KANK1: variants seen among roughly 807,000 people sequenced by gnomAD.
KANK1 encodes the protein KN motif and ankyrin repeat domains 1.
A neutral mutation model predicts 106.2 loss-of-function variants in KANK1; 109 were observed. That is an observed-to-expected ratio of 1.03 (90% CI 0.88 to 1.20). KANK1 has a LOEUF of 1.20. Ranked by LOEUF, KANK1 falls within the 50% of genes most tolerant of loss-of-function variation. KANK1 has a pLI of 0.00. For synonymous variants in KANK1, 873 were observed against 652.2 expected (o/e 1.34, Z -5.16); for missense variants, 2,399 against 1,710.7 (o/e 1.40, Z -7.10).
rs1824638841 is a variant in KANK1 at position 707,380 on chromosome 9, T to C, written c.38-3424T>C. The C allele has an allele frequency of 9.6e-6, 3 of 311,986 alleles. No individual in the cohort carries two copies. The South Asian group carries it at 3.7e-4, about 39-fold the overall frequency. 19.3% of individuals were successfully genotyped at this position (311,986 alleles called of 1,614,324 possible). ...CACCGCAGGCCTACGGGAGTCCAGC[T>C]TAGACCCGCCGGCTCCCACACACAC... On this transcript the variant is annotated intron_variant, in intron 2 of 11. Transcript: ENST00000382297.
At chr9:578,652 G>A (rs1186134939) in intron 1 of KANK1, among the ~76,000 whole-genome samples, 1 of 152,104 alleles carries the variant, frequency 6.6e-6, no homozygotes, top group East Asian at 1.9e-4. Flanking sequence ...ATCAGTGCAA[G>A]TTTTAGGAAA....
chr9:500,343 A>C (rs1250275029), upstream of KANK1, among the ~76,000 whole-genome samples: 1 of 152,222 alleles, frequency 6.6e-6, no homozygotes, highest in Non-Finnish European at 1.5e-5. Flanking sequence ...GATAATAGGA[A>C]TTTCAAAAAA....
At chr9:509,904 C>G (rs2058951806) in intron 1 of KANK1, among the ~76,000 whole-genome samples, 1 of 152,110 alleles carries the variant, frequency 6.6e-6, no homozygotes. Context: ...CCAAGCAATC[C>G]TCCCGCCTCA....
rs1181030891 is a variant in KANK1, at chr9:504,765, C to T, written c.-84+11C>T. The T allele has an allele frequency of 2.2e-5, 1 of 45,276 alleles. No individual in the cohort carries two copies. The highest frequency in any genetic ancestry group is 2.5e-4 in the Admixed American group (1 of 3,994). The allele number at this position is 45,276 out of a possible 1,614,324, so 2.8% of individuals were successfully genotyped here. A position where few individuals can be genotyped will look rare whatever the true frequency, so the allele number is the denominator to read the frequency against. ...GAGGAGCGGCCGAAGGTGAGTGACG[C>T]GGCGGGGCCGTGCCGCGCCCCGTGC... On this transcript the variant is annotated intron_variant, in intron 1 of 11. Coordinates refer to ENST00000382297, the MANE Select transcript of KANK1 (RefSeq NM_015158.5).
intron 2 of KANK1, among the ~76,000 whole-genome samples, chr9:682,786 G>A (rs1341154979): frequency 2.6e-5 from 4 of 152,092 alleles, no homozygotes; most frequent in African/African-American, 9.7e-5. Flanking sequence ...TCAGTTATTT[G>A]GCTCCAGCTT....
At chr9:507,177 A>ACTC (rs1349838093) in intron 1 of KANK1, among the ~76,000 whole-genome samples, 27 of 146,854 alleles carry the variant, frequency 1.8e-4, no homozygotes, top group Non-Finnish European at 4.0e-4. Flanking sequence ...ACATAGCGAG[A>ACTC]CTCCGTCTCT....
chr9:496,643 A>G (rs1165963555), intron 3 of KANK1, among the ~76,000 whole-genome samples: 2 of 152,242 alleles, frequency 1.3e-5, no homozygotes, highest in Admixed American at 1.3e-4. Flanking sequence ...ACAACATTTT[A>G]TATGTCTCTC....
At chr9:483,393 T>C (rs1363834102) in intron 3 of KANK1, among the ~76,000 whole-genome samples, 3 of 152,314 alleles carry the variant, frequency 2.0e-5, no homozygotes, top group Admixed American at 6.5e-5. Flanking sequence ...GAATCAAACA[T>C]TGGAATGCTA....
chr9:707,350 C>T (rs1824624092), intron 2 of KANK1: 2 of 504,398 alleles, frequency 4.0e-6, no homozygotes, highest in Non-Finnish European at 5.1e-6. Flanking sequence ...TGGGCCGCTT[C>T]ACTCCACCGC....
chr9:478,711 T>G (rs2058150201), intron 3 of KANK1, among the ~76,000 whole-genome samples: 1 of 152,176 alleles, frequency 6.6e-6, no homozygotes, highest in Non-Finnish European at 1.5e-5. Context: ...ACCAAACTCT[T>G]TACACCAAAA....
At chr9:520,342 A>C (rs2059489284) in intron 1 of KANK1, among the ~76,000 whole-genome samples, 1 of 151,646 alleles carries the variant, frequency 6.6e-6, no homozygotes, top group South Asian at 2.1e-4. Context: ...CTGTCTCAAA[A>C]AAATAAATAA....
chr9:667,923 G>T (rs1188583306), intron 1 of KANK1, among the ~76,000 whole-genome samples: 1 of 151,764 alleles, frequency 6.6e-6, no homozygotes, highest in Non-Finnish European at 1.5e-5. Context: ...ATGAGACAGG[G>T]TTTTGCCATG....
intron 1 of KANK1, among the ~76,000 whole-genome samples, chr9:625,211 C>G (rs187446001): frequency 2.0e-5 from 3 of 152,114 alleles, no homozygotes; most frequent in African/African-American, 7.2e-5. Flanking sequence ...GCTACTGTCA[C>G]GGGAAAGATT....
upstream of KANK1, among the ~76,000 whole-genome samples, chr9:502,664 A>G (rs1376666911): frequency 6.6e-6 from 1 of 151,972 alleles, no homozygotes; most frequent in Non-Finnish European, 1.5e-5. Flanking sequence ...CTGGGATTAC[A>G]GGTGCACGTC....
At chr9:658,358 C>G (rs1276867690) in intron 1 of KANK1, among the ~76,000 whole-genome samples, 2 of 152,114 alleles carry the variant, frequency 1.3e-5, no homozygotes, top group East Asian at 1.9e-4. Flanking sequence ...ATCTCATAAC[C>G]TAGCCTCTGC....
At chr9:543,303 C>G (rs935776656) in intron 1 of KANK1, among the ~76,000 whole-genome samples, 2 of 151,952 alleles carry the variant, frequency 1.3e-5, no homozygotes, top group African/African-American at 4.8e-5. Flanking sequence ...TGCTTGTAAT[C>G]TCAGCACTTT....
intron 1 of KANK1, among the ~76,000 whole-genome samples, chr9:555,676 T>G (rs542136029): frequency 3.3e-5 from 5 of 152,248 alleles, no homozygotes; most frequent in Non-Finnish European, 5.9e-5. Flanking sequence ...GTTGGTTTAC[T>G]AAGCCTTAAG....
intron 1 of KANK1, among the ~76,000 whole-genome samples, chr9:528,447 A>G (rs1310266985): frequency 8.0e-6 from 1 of 124,652 alleles, no homozygotes; most frequent in African/African-American, 2.9e-5. Context: ...CCTTACAACC[A>G]TTTTACTGAA....
intron 1 of KANK1, among the ~76,000 whole-genome samples, chr9:519,894 C>G (rs1469907921): frequency 6.6e-6 from 1 of 151,724 alleles, no homozygotes; most frequent in Non-Finnish European, 1.5e-5. Context: ...TCATTCCATT[C>G]CATTGATCAT....
Sources: allele counts gnomAD v4.1 joint callset (sites outside exome capture counted in the v4.1 genomes callset), GRCh38; gene constraint gnomAD v4.1.1; transcripts MANE v1.5; gene names NCBI Gene and HGNC (gene_info 2026-07-23, HGNC 2026-07-21).